TMEM245: variants seen among roughly 807,000 people sequenced by gnomAD.
TMEM245 encodes transmembrane protein 245.
In TMEM245, 69 loss-of-function variants were observed where a neutral mutation model predicts 101.2. The observed-to-expected ratio is 0.68, with a 90% CI of 0.56 to 0.83. The LOEUF (loss-of-function observed/expected upper bound fraction) is 0.83, where lower values mean the gene tolerates loss of function less well. Among genes scored for constraint, TMEM245 ranks in the 40% least tolerant of loss-of-function variants. The pLI is 0.00. For missense variants in TMEM245, 1,075 were observed against 1,092.8 expected (o/e 0.98, Z 0.23); for synonymous variants, 537 against 449.8 (o/e 1.19, Z -2.45).
chr9:109,033,207 A>G, intron 17 of TMEM245, 100 bp downstream of exon 17: 1 of 1,274,774 alleles, frequency 7.8e-7, no homozygotes, highest in Non-Finnish European at 1.1e-6. Flanking sequence ...GTACTCAAAT[A>G]CCTTTATCCT....
At chr9:109,109,571 A>G (rs982108922) in intron 1 of TMEM245, among the ~76,000 whole-genome samples, 5 of 152,178 alleles carry the variant, frequency 3.3e-5, no homozygotes, top group African/African-American at 1.2e-4. Flanking sequence ...AAATCTATCA[A>G]TACAAATAAT....
intron 14 of TMEM245, among the ~76,000 whole-genome samples, chr9:109,043,801 G>T (rs1317014648): frequency 6.6e-6 from 1 of 152,062 alleles, no homozygotes; most frequent in African/African-American, 2.4e-5. Context: ...ACTATATATA[G>T]ACTATTATAG....
chr9:109,021,086 C>G (rs549887456), intron 17 of TMEM245, among the ~76,000 whole-genome samples: 1 of 152,134 alleles, frequency 6.6e-6, no homozygotes, highest in Non-Finnish European at 1.5e-5. Flanking sequence ...ATGTTATTGG[C>G]GGGTAATATC....
intron 17 of TMEM245, among the ~76,000 whole-genome samples, chr9:109,023,836 CA>C (rs139227712): frequency 0.056 from 4,603 of 82,736 alleles, 189 homozygotes; most frequent in African/African-American, 0.17. Context: ...ACTCTGTTTC[CA>C]AAAAAAAAAA....
At chr9:109,080,985 G>C in intron 7 of TMEM245, 42 bp from the exon 8 acceptor site, 1 of 1,300,286 alleles carries the variant, frequency 7.7e-7, no homozygotes, top group Non-Finnish European at 1.1e-6. Context: ...CTTTAAAGTA[G>C]AACTTTAAAA....
intron 1 of TMEM245, among the ~76,000 whole-genome samples, chr9:109,115,986 T>C (rs1428194913): frequency 6.6e-6 from 1 of 152,212 alleles, no homozygotes; most frequent in Non-Finnish European, 1.5e-5. Context: ...TTCTCTGAAT[T>C]AGTTTTCTCA....
At chr9:109,063,995 G>A (rs1006875728) in intron 10 of TMEM245, among the ~76,000 whole-genome samples, 6 of 152,068 alleles carry the variant, frequency 3.9e-5, no homozygotes, top group African/African-American at 1.4e-4. Context: ...TTTACTACAC[G>A]ACCACTGGGA....
chr9:109,042,598 T>C (rs1039861088), intron 14 of TMEM245: 1 of 152,094 alleles, frequency 6.6e-6, no homozygotes, highest in Non-Finnish European at 1.5e-5. Flanking sequence ...GAGCTCTGCT[T>C]CTGTCCACAT....
chr9:109,105,047 A>ACTT (rs1830374934), intron 3 of TMEM245, among the ~76,000 whole-genome samples: 1 of 152,230 alleles, frequency 6.6e-6, no homozygotes, highest in Non-Finnish European at 1.5e-5. Flanking sequence ...ATCAAAAGAG[A>ACTT]CTATCAAGAG....
At chr9:109,103,393 G>C (rs995372468) in intron 3 of TMEM245, among the ~76,000 whole-genome samples, 2 of 152,130 alleles carry the variant, frequency 1.3e-5, no homozygotes, top group African/African-American at 4.8e-5. Flanking sequence ...AAAGGTCTAA[G>C]ACATATACAA....
chr9:109,036,088 G>A (rs558631010), intron 16 of TMEM245, 118 bp downstream of exon 16: 1 of 692,234 alleles, frequency 1.4e-6, no homozygotes, highest in African/African-American at 1.9e-5. Context: ...CTATTTCACT[G>A]AAAATTCCTA....
rs185596326 is a variant in TMEM245 at position 109,090,364 on chromosome 9, A to G, written c.1150+558T>C. 1.9e-3 allele frequency among the ~76,000 whole-genome samples: 296 copies of G among 152,258 alleles called. 3 individuals carry two copies. Among genetic ancestry groups the G allele is most frequent in the African/African-American group, 6.5e-3 (271 of 41,558 alleles). On this transcript the variant is annotated intron_variant, in intron 5 of 17. Transcript: ENST00000374586. The stretch of plus-strand genomic sequence containing the variant: ...GATGGCTAAACAATCAAATCTCTCT[A>G]TGGAGCTATTAATCTCAAATACTAC...
chr9:109,052,761 T>C (rs1828723510), intron 12 of TMEM245, among the ~76,000 whole-genome samples: 2 of 152,206 alleles, frequency 1.3e-5, no homozygotes, highest in African/African-American at 4.8e-5. Context: ...TTACTTGTGA[T>C]TTGACAAGCA....
At chr9:109,097,099 A>G (rs980982223) in intron 3 of TMEM245, among the ~76,000 whole-genome samples, 5 of 152,238 alleles carry the variant, frequency 3.3e-5, no homozygotes, top group Non-Finnish European at 5.9e-5. Context: ...AAGGGTTTCC[A>G]AAGGAGCTGT....
At chr9:109,084,673 G>C (rs1038127168) in intron 7 of TMEM245, among the ~76,000 whole-genome samples, 3 of 152,146 alleles carry the variant, frequency 2.0e-5, no homozygotes, top group African/African-American at 7.2e-5. Flanking sequence ...GCAAGACCCT[G>C]TCTCTAAAAA....
rs1214869527 is a variant in TMEM245, at chr9:109,119,886, CGT to C, written c.26_27del (p.Asp9GlyfsTer42). 1.2e-5 allele frequency: 16 copies of C among 1,299,960 alleles called. No individual in the cohort carries two copies. The highest frequency in any genetic ancestry group is 1.5e-5 in the Non-Finnish European group (16 of 1,032,596). 80.5% of individuals were successfully genotyped at this position (1,299,960 alleles called of 1,614,324 possible). MADGGGPKDAPSLRSSPGP... is the reference protein window; with the variant it reads MADGGGPKXAPSLRSSPGP... ...CCGGGAGAGCTCCGCAGGCTTGGCG[CGT>C]CCTTAGGGCCGCCGCCGTCGGCCAT... On this transcript the variant is annotated frameshift_variant, in exon 1 of 18. Transcript: ENST00000374586. LOFTEE classifies it high-confidence loss of function.
intron 14 of TMEM245, among the ~76,000 whole-genome samples, chr9:109,042,991 G>A (rs543378004): frequency 2.2e-4 from 34 of 151,746 alleles, no homozygotes; most frequent in Non-Finnish European, 3.7e-4. Flanking sequence ...GACTACAGAC[G>A]CACACACAAC....
chr9:109,049,481 T>C (rs572686748), intron 14 of TMEM245, among the ~76,000 whole-genome samples: 3 of 152,178 alleles, frequency 2.0e-5, no homozygotes, highest in African/African-American at 7.2e-5. Flanking sequence ...CCCAAAGTGC[T>C]GGGATTACAG....
chr9:109,098,283 A>C (rs139002402), intron 3 of TMEM245, among the ~76,000 whole-genome samples: 1,536 of 152,334 alleles, frequency 0.01, 11 homozygotes, highest in Non-Finnish European at 0.013. Flanking sequence ...ATATGCAGTA[A>C]ATATGCAGTA....
Sources: allele counts gnomAD v4.1 joint callset (sites outside exome capture counted in the v4.1 genomes callset), GRCh38; gene constraint gnomAD v4.1.1; transcripts MANE v1.5; gene names NCBI Gene and HGNC (gene_info 2026-07-23, HGNC 2026-07-21).